Variants in ADPRS observed in about 807,000 individuals in gnomAD.
The protein encoded by ADPRS is ADP-ribosylserine hydrolase, also known as ADP-ribosylhydrolase ARH3.
Under a neutral mutation model 32.1 loss-of-function variants are expected in ADPRS, and 25 were observed. The ratio of observed to expected loss-of-function variants is 0.78; its 90% CI spans 0.57 to 1.09. ADPRS has a LOEUF of 1.09. Ranked by LOEUF, ADPRS falls within the 50% of genes least tolerant of loss-of-function variation. ADPRS has a pLI of 0.00. For missense variants in ADPRS, 482 were observed against 480.6 expected (o/e 1.00, Z -0.03); for synonymous variants, 225 against 201.0 (o/e 1.12, Z -1.01).
In ADPRS at chr1:36,092,632, T is replaced by G. The variant is rs1284924730; in HGVS notation, c.802+110T>G. The G allele has an allele frequency of 4.0e-6, 4 of 987,848 alleles. No homozygotes were observed. The African/African-American group carries it at 6.4e-5, about 16-fold the overall frequency. The allele number at this position is 987,848 out of a possible 1,614,324, so 61.2% of individuals were successfully genotyped here. A position where few individuals can be genotyped will look rare whatever the true frequency, so the allele number is the denominator to read the frequency against. On this transcript the variant is annotated intron_variant, in intron 5 of 5. Transcript: ENST00000373178. ...GCCGTCGCATTGTACCCTGGGCTGC[T>G]GTGACACGGAGTCAATGGCAGGGTT...
chr1:36,089,026 A>C lies in ADPRS; in HGVS notation c.122A>C (p.Glu41Ala). The stretch of plus-strand genomic sequence containing the variant: ...GGGGACTGCGTGGGCTCCTTCTACG[A>C]GGCCCACGACACCGTCGACCTGACG... ...LLGDCVGSFYEAHDTVDLTSV... is the reference protein window; with the variant it reads ...LLGDCVGSFYAAHDTVDLTSV... Residue 41 changes from glutamate to alanine, a missense_variant, in exon 1 of 6, where the codon GAG (glutamate) becomes GCG (alanine). Transcript: ENST00000373178. 2 of 1,477,066 alleles carry C rather than the reference A, an allele frequency of 1.4e-6. No homozygotes were observed. The highest frequency in any genetic ancestry group is 1.8e-6 in the Non-Finnish European group (2 of 1,118,424). The allele number at this position is 1,477,066 out of a possible 1,614,324, so 91.5% of individuals were successfully genotyped here.
chr1:36,091,232 C>T lies in ADPRS; in HGVS notation c.212-12C>T, dbSNP rs755048226. The T allele has an allele frequency of 3.7e-6, 6 of 1,611,342 alleles. No individual in the cohort carries two copies. Among genetic ancestry groups the T allele is most frequent in the South Asian group, 2.2e-5 (2 of 90,990 alleles). ...GAGCAGGAGGCTCTCATCCTCCCTC[C>T]TCTCCCCACAGAAGCCTTGTACTAC... On this transcript the variant is annotated splice_polypyrimidine_tract_variant and intron_variant, in intron 1 of 5. Transcript: ENST00000373178.
At position 36,091,669 on chromosome 1, in the gene ADPRS, A is replaced by G; in HGVS notation, c.360A>G (p.Val120=). ...CTGACAGGGGCTATGGTGCTGGAGT[A>G]GTCACTGTCTTCAAGAAGCTCCTGA... ...KDPDRGYGAG[V]VTVFKKLLNP... The change falls in exon 3 of 6, where the codon GTA becomes GTG. Residue 120 remains valine (V), a synonymous_variant. Transcript: ENST00000373178. 1.2e-6 allele frequency: 2 copies of G among 1,613,654 alleles called. No homozygotes were observed. Among genetic ancestry groups the G allele is most frequent in the East Asian group, 2.2e-5 (1 of 44,870 alleles).
intron 2 of ADPRS, 52 bp from the exon 3 acceptor site, chr1:36,091,566 C>G: frequency 6.6e-7 from 1 of 1,507,574 alleles, no homozygotes; most frequent in East Asian, 2.3e-5. Flanking sequence ...TCTCTCCCAA[C>G]CCTTAGAGGC....
Position 36,089,836 on chromosome 1 carries a change from C to T in ADPRS, c.211+721C>T, listed in dbSNP as rs555116655. ...CCTCTAGGCCAGGCGTTTGCATGCG[C>T]TGTCTCGCCTGTAAAACTAACTTCC... On this transcript the variant is annotated intron_variant, in intron 1 of 5. Coordinates refer to ENST00000373178, the MANE Select transcript of ADPRS (RefSeq NM_017825.3). 2.6e-5 allele frequency among the ~76,000 whole-genome samples: 4 copies of T among 152,308 alleles called. No individual in the cohort carries two copies. In the South Asian group the frequency reaches 8.3e-4, roughly 32 times the overall value.
intron 1 of ADPRS, among the ~76,000 whole-genome samples, chr1:36,089,405 G>A (rs1643447385): frequency 6.6e-6 from 1 of 152,260 alleles, no homozygotes; most frequent in Admixed American, 6.5e-5. Context: ...GAAGTGGAAA[G>A]TGCGCTTTCA....
chr1:36,091,147 C>T (rs1324401221), intron 1 of ADPRS, 97 bp from the exon 2 acceptor site: 15 of 933,166 alleles, frequency 1.6e-5, no homozygotes, highest in Middle Eastern at 2.1e-4. Context: ...CCAGTCTGGG[C>T]AACAGAGCGA....
chr1:36,091,415 T>G (rs1643481836), intron 2 of ADPRS, 75 bp downstream of exon 2: 1 of 1,446,208 alleles, frequency 6.9e-7, no homozygotes, highest in Non-Finnish European at 9.6e-7. Context: ...GGAATGACAT[T>G]TGTGCATGTC....
In ADPRS at chr1:36,091,251, G is replaced by C. The variant is rs781260309; in HGVS notation, c.219G>C (p.Leu73Phe). The C allele has an allele frequency of 1.2e-6, 2 of 1,613,978 alleles. No homozygotes were observed. Among genetic ancestry groups the C allele is most frequent in the Non-Finnish European group, 1.7e-6 (2 of 1,179,966 alleles). ...GTPGSERTEA[L>F]YYTDDTAMAR... is the part of the protein sequence containing the mutation. The stretch of plus-strand genomic sequence containing the variant: ...TCCCTCCTCTCCCCACAGAAGCCTT[G>C]TACTACACAGATGACACAGCCATGG... Residue 73 changes from leucine to phenylalanine, a missense_variant, in exon 2 of 6, where the codon TTG (leucine) becomes TTC (phenylalanine). Coordinates refer to ENST00000373178, the MANE Select transcript of ADPRS (RefSeq NM_017825.3).
chr1:36,092,612 C>T (rs562566404), intron 5 of ADPRS, 90 bp downstream of exon 5: 92 of 1,210,398 alleles, frequency 7.6e-5, no homozygotes, highest in South Asian at 6.5e-4. Flanking sequence ...TGCCTGCCGT[C>T]GCATTGTACC....
Position 36,088,933 on chromosome 1 carries a change from C to A in ADPRS, c.29C>A (p.Ala10Glu), listed in dbSNP as rs1272158177. MAAAAMAAA[A>E]GGGAGAARSL... is the part of the protein sequence containing the mutation. ...GCCGCAGCGGCGATGGCGGCAGCGG[C>A]AGGTGGAGGGGCTGGCGCGGCCCGC... is the stretch of plus-strand genomic sequence containing the variant. The change falls in exon 1 of 6, where the codon GCA becomes GAA. Residue 10 changes from alanine (A) to glutamate (E), a missense_variant. Ala to Glu is a moderately radical substitution (Grantham distance 107, BLOSUM62 -1). Coordinates refer to ENST00000373178, the MANE Select transcript of ADPRS (RefSeq NM_017825.3). 2.6e-6 allele frequency: 4 copies of A among 1,526,892 alleles called. No homozygotes were observed. In the African/African-American group the frequency reaches 5.7e-5, roughly 22 times the overall value. 94.6% of individuals were successfully genotyped at this position (1,526,892 alleles called of 1,614,324 possible).
Position 36,093,361 on chromosome 1 carries a change from T to C in ADPRS, c.1067T>C (p.Leu356Pro). ...GAGACAGACATCCTGGCCCAAAGCC[T>C]GCACCGTGTCTTCCAGAAGAGTTGA... The part of the protein sequence containing the change: ...YEETDILAQS[L>P]HRVFQKS Residue 356 changes from leucine to proline, a missense_variant, in exon 6 of 6, where the codon CTG becomes CCG. Coordinates refer to ENST00000373178, the MANE Select transcript of ADPRS (RefSeq NM_017825.3). The C allele has an allele frequency of 6.2e-7, 1 of 1,613,938 alleles. No homozygotes were observed. Among genetic ancestry groups the C allele is most frequent in the Non-Finnish European group, 8.5e-7 (1 of 1,179,838 alleles).
chr1:36,092,639 C>T lies in ADPRS; in HGVS notation c.802+117C>T, dbSNP rs527936914. On this transcript the variant is annotated intron_variant, in intron 5 of 5. Coordinates refer to ENST00000373178, the MANE Select transcript of ADPRS (RefSeq NM_017825.3). ...CATTGTACCCTGGGCTGCTGTGACACGGAGTCAATGGCAGGGTTGAGCTCA... is the reference window on the plus strand; with the variant it reads ...CATTGTACCCTGGGCTGCTGTGACATGGAGTCAATGGCAGGGTTGAGCTCA... 1.1e-4 allele frequency: 103 copies of T among 909,862 alleles called. No homozygotes were observed. The African/African-American group carries it at 1.4e-3, about 12-fold the overall frequency. 56.4% of individuals were successfully genotyped at this position (909,862 alleles called of 1,614,324 possible). A position where few individuals can be genotyped will look rare whatever the true frequency, so the allele number is the denominator to read the frequency against.
chr1:36,093,456 C>T lies in ADPRS; in HGVS notation c.*70C>T, dbSNP rs930295798. ...ACTACAGCTCCAATCAGAAACCCTGCGCTTCCTTGAGTGTGGCTTCCCACT... is the reference window on the plus strand; with the variant it reads ...ACTACAGCTCCAATCAGAAACCCTGTGCTTCCTTGAGTGTGGCTTCCCACT... On this transcript the variant is annotated 3_prime_UTR_variant, in exon 6 of 6. Coordinates refer to ENST00000373178, the MANE Select transcript of ADPRS (RefSeq NM_017825.3). 3.8e-5 allele frequency: 58 copies of T among 1,539,762 alleles called. No homozygotes were observed. The highest frequency in any genetic ancestry group is 1.1e-4 in the African/African-American group (8 of 72,648).
At position 36,092,469 on chromosome 1, in the gene ADPRS, G is replaced by T; in HGVS notation, c.749G>T (p.Gly250Val). ...TACTCCAGCCGCCTGAAGAAGATTGGAGAGCTTCTAGACCAGGCATCGGTG... is the reference window on the plus strand; with the variant it reads ...TACTCCAGCCGCCTGAAGAAGATTGTAGAGCTTCTAGACCAGGCATCGGTG... ...RPYSSRLKKI[G>V]ELLDQASVTR... The change falls in exon 5 of 6, where the codon GGA becomes GTA. Residue 250 changes from glycine (G) to valine (V), a missense_variant. Physicochemically the swap from Gly to Val is moderately radical, Grantham distance 109 (BLOSUM62 -3). Coordinates refer to ENST00000373178, the MANE Select transcript of ADPRS (RefSeq NM_017825.3). 6.2e-7 allele frequency: 1 copy of T among 1,614,214 alleles called. No individual in the cohort carries two copies. The highest frequency in any genetic ancestry group is 1.6e-4 in the Middle Eastern group (1 of 6,062).
intron 4 of ADPRS, 31 bp downstream of exon 4, chr1:36,092,125 G>T (rs778134868): frequency 6.4e-7 from 1 of 1,566,450 alleles, no homozygotes; most frequent in Non-Finnish European, 8.7e-7. Context: ...GTGTGGTGTG[G>T]GTATGTGGGT....
intron 4 of ADPRS, 37 bp from the exon 5 acceptor site, chr1:36,092,385 T>C (rs764606540): frequency 6.2e-7 from 1 of 1,603,012 alleles, no homozygotes; most frequent in Non-Finnish European, 8.5e-7. Flanking sequence ...ACCACCCTGC[T>C]AGCTCTGACC....
chr1:36,092,635 G>GAC lies in ADPRS; in HGVS notation c.802+116_802+117dup, dbSNP rs61118918. 1,512 of 955,636 alleles carry GAC rather than the reference G, an allele frequency of 1.6e-3. 15 individuals carry two copies. In the African/African-American group the frequency reaches 0.022, roughly 14 times the overall value. The allele number at this position is 955,636 out of a possible 1,614,324, so 59.2% of individuals were successfully genotyped here. A position where few individuals can be genotyped will look rare whatever the true frequency, so the allele number is the denominator to read the frequency against. Reference sequence around the variant, plus strand: ...GTCGCATTGTACCCTGGGCTGCTGTGACACGGAGTCAATGGCAGGGTTGAG... The same window carrying GAC: ...GTCGCATTGTACCCTGGGCTGCTGTGACACACGGAGTCAATGGCAGGGTTGAG... On this transcript the variant is annotated intron_variant, in intron 5 of 5. Transcript: ENST00000373178.
Position 36,092,419 on chromosome 1 carries a change from C to T in ADPRS, c.702-3C>T, listed in dbSNP as rs375280387. The T allele has an allele frequency of 2.5e-6, 4 of 1,613,908 alleles. No individual in the cohort carries two copies. In the African/African-American group the frequency reaches 5.3e-5, roughly 22 times the overall value. ...CCTCCCTGAAATCTCCCCTAAACCA[C>T]AGGTTGGGCATGGAGGAGCGTCCAT... On this transcript the variant is annotated splice_polypyrimidine_tract_variant and splice_region_variant and intron_variant, in intron 4 of 5. Coordinates refer to ENST00000373178, the MANE Select transcript of ADPRS (RefSeq NM_017825.3).
Sources: gnomAD v4.1 joint callset for allele counts (sites outside exome capture counted in the v4.1 genomes callset) on GRCh38, gnomAD v4.1.1 for gene constraint, MANE v1.5 for transcripts, NCBI Gene and HGNC (gene_info 2026-07-23, HGNC 2026-07-21) for gene names.